PLXNA4: variants seen among roughly 807,000 people sequenced by gnomAD.
PLXNA4 encodes plexin A4.
In PLXNA4, 44 loss-of-function variants were observed where a neutral mutation model predicts 191.8. The observed-to-expected ratio is 0.23, with a 90% CI of 0.18 to 0.29. The LOEUF (loss-of-function observed/expected upper bound fraction) is 0.29. Ranked by LOEUF, PLXNA4 falls within the 10% of genes least tolerant of loss-of-function variation. PLXNA4 has a pLI of 1.00. For synonymous variants in PLXNA4, 1,082 were observed against 1,009.5 expected (o/e 1.07, Z -1.36); for missense variants, 1,800 against 2,488.8 (o/e 0.72, Z 5.89).
chr7:132,178,005 A>T (rs981535952), intron 20 of PLXNA4, among the ~76,000 whole-genome samples: 1 of 152,236 alleles, frequency 6.6e-6, no homozygotes, highest in East Asian at 1.9e-4. Context: ...AGATCCTCCC[A>T]GGATGAGTCA....
At chr7:132,428,850 G>A (rs1367716607) in intron 3 of PLXNA4, among the ~76,000 whole-genome samples, 1 of 152,182 alleles carries the variant, frequency 6.6e-6, no homozygotes. Context: ...AGTTCTCCTA[G>A]ATCTCAGGCA....
chr7:132,302,700 C>T (rs1402161458), intron 3 of PLXNA4, among the ~76,000 whole-genome samples: 1 of 151,398 alleles, frequency 6.6e-6, no homozygotes, highest in Non-Finnish European at 1.5e-5. Context: ...GGTAGGAACA[C>T]AATCCAGATG....
At chr7:132,287,173 T>C (rs1800713942) in intron 4 of PLXNA4, among the ~76,000 whole-genome samples, 1 of 152,198 alleles carries the variant, frequency 6.6e-6, no homozygotes, top group African/African-American at 2.4e-5. Context: ...TAGCTGAGAC[T>C]ATAGGCACGC....
At chr7:132,467,860 G>A (rs80030268) in intron 3 of PLXNA4, among the ~76,000 whole-genome samples, 8,925 of 152,248 alleles carry the variant, frequency 0.059, 711 homozygotes, top group East Asian at 0.29. Context: ...CACACTTCTT[G>A]GCTGTGGGAT....
At chr7:132,224,265 A>G (rs1162493077) in intron 8 of PLXNA4, among the ~76,000 whole-genome samples, 1 of 152,026 alleles carries the variant, frequency 6.6e-6, no homozygotes, top group Non-Finnish European at 1.5e-5. Context: ...ACTGCCCCCA[A>G]CGCAGGTTTG....
Position 132,123,946 on chromosome 7 carries a change from G to A in PLXNA4, c.*6533C>T, listed in dbSNP as rs1390843075. 6.6e-6 allele frequency: 1 copy of A among 152,242 alleles called. No homozygotes were observed. The highest frequency in any genetic ancestry group is 1.5e-5 in the Non-Finnish European group (1 of 68,096). The allele number at this position is 152,242 out of a possible 1,614,324, so 9.4% of individuals were successfully genotyped here. On this transcript the variant is annotated 3_prime_UTR_variant, in exon 32 of 32. Transcript: ENST00000321063. ...GGCTCGCTGAGCCATTGTCTGTTGT[G>A]GTACCCTGGAGTTGCTGGTTGCTAT...
At chr7:132,381,491 G>A (rs1245920439) in intron 3 of PLXNA4, among the ~76,000 whole-genome samples, 4 of 152,190 alleles carry the variant, frequency 2.6e-5, no homozygotes, top group Non-Finnish European at 4.4e-5. Context: ...AGTGTGTAGT[G>A]CATCTCTAAG....
intron 1 of PLXNA4, among the ~76,000 whole-genome samples, chr7:132,563,781 CTTCCTCCTCCTT>C (rs1563176851): frequency 8.1e-5 from 8 of 99,078 alleles, no homozygotes; most frequent in East Asian, 3.3e-4. Context: ...TCCTCCTCCT[CTTCCTCCTCCTT>C]CTCCTCCTCC....
rs544868992 is a variant in PLXNA4, at chr7:132,537,898, C to T, written c.-86-29119G>A. On this transcript the variant is annotated intron_variant, in intron 1 of 31. Transcript: ENST00000321063. ...GCAGTGGGGGCCACCACAACCCGCA[C>T]GCTCAGCCTGGACACACAGCCTGGG... Among the ~76,000 whole-genome samples, 67 of 152,322 alleles carry T rather than the reference C, an allele frequency of 4.4e-4. 1 individual carries two copies. Among genetic ancestry groups the T allele is most frequent in the African/African-American group, 1.5e-3 (62 of 41,564 alleles).
rs143537539 is a variant in PLXNA4 at position 132,265,747 on chromosome 7, G to C, written c.1504-24581C>G. On this transcript the variant is annotated intron_variant, in intron 4 of 31. Coordinates refer to ENST00000321063, the MANE Select transcript of PLXNA4 (RefSeq NM_020911.2). ...AGAACAGGACAGGGCTCAGCTGCAG[G>C]TACCGTGCACTATGACCCTGCCAGC... 1.1e-3 allele frequency among the ~76,000 whole-genome samples: 173 copies of C among 152,256 alleles called. 1 individual carries two copies. The highest frequency in any genetic ancestry group is 3.9e-3 in the African/African-American group (164 of 41,544).
chr7:132,426,287 T>C (rs1218719550), intron 3 of PLXNA4, among the ~76,000 whole-genome samples: 2 of 151,990 alleles, frequency 1.3e-5, no homozygotes, highest in African/African-American at 4.8e-5. Context: ...GCGGCTAAGG[T>C]GATGGGGGTG....
chr7:132,443,626 C>T (rs1795783215), intron 3 of PLXNA4, among the ~76,000 whole-genome samples: 1 of 152,212 alleles, frequency 6.6e-6, no homozygotes, highest in South Asian at 2.1e-4. Context: ...CCATGTTCCC[C>T]TGGATTGCCC....
At chr7:132,370,776 C>T (rs899559341) in intron 3 of PLXNA4, among the ~76,000 whole-genome samples, 9 of 152,192 alleles carry the variant, frequency 5.9e-5, no homozygotes, top group Non-Finnish European at 1.2e-4. Flanking sequence ...CCTGCTCAAG[C>T]CCCTAGATAT....
intron 3 of PLXNA4, among the ~76,000 whole-genome samples, chr7:132,419,087 T>C (rs997876918): frequency 2.0e-5 from 3 of 152,246 alleles, no homozygotes; most frequent in Non-Finnish European, 4.4e-5. Context: ...TCCTTGGTCC[T>C]GGGACTTGCT....
rs1797909464 is a variant in PLXNA4, at chr7:132,494,042, T to A, written c.1189-4568A>T. On this transcript the variant is annotated intron_variant, in intron 2 of 31. Transcript: ENST00000321063. ...AAACATATAGAACAATGTTTGGCACTTAGTTCTATGGGAGTGTTCACTCTT... is the reference window on the plus strand; with the variant it reads ...AAACATATAGAACAATGTTTGGCACATAGTTCTATGGGAGTGTTCACTCTT... Among the ~76,000 whole-genome samples, 10 of 152,330 alleles carry A rather than the reference T, an allele frequency of 6.6e-5. No individual in the cohort carries two copies. The South Asian group carries it at 2.1e-3, about 32-fold the overall frequency.
At chr7:132,294,770 C>T (rs1363546047) in intron 4 of PLXNA4, among the ~76,000 whole-genome samples, 1 of 152,240 alleles carries the variant, frequency 6.6e-6, no homozygotes, top group Non-Finnish European at 1.5e-5. Context: ...TAGAGAGAGG[C>T]CCTAATCCAA....
At chr7:132,149,153 G>A (rs1231991291) in intron 25 of PLXNA4, among the ~76,000 whole-genome samples, 1 of 152,132 alleles carries the variant, frequency 6.6e-6, no homozygotes, top group African/African-American at 2.4e-5. Context: ...TGTCACCCTT[G>A]TCAGGGAGAT....
At chr7:132,563,436 C>T (rs1585351015) in intron 1 of PLXNA4, among the ~76,000 whole-genome samples, 2 of 89,290 alleles carry the variant, frequency 2.2e-5, no homozygotes, top group Non-Finnish European at 4.4e-5. Flanking sequence ...CTCCTTCCTC[C>T]TCCTCTTCCT....
intron 24 of PLXNA4, among the ~76,000 whole-genome samples, chr7:132,163,140 C>G (rs985268099): frequency 1.1e-4 from 16 of 152,184 alleles, no homozygotes; most frequent in African/African-American, 3.4e-4. Flanking sequence ...CATACTCCCT[C>G]CTTCCAAGTC....
Sources: allele counts gnomAD v4.1 joint callset (sites outside exome capture counted in the v4.1 genomes callset), GRCh38; gene constraint gnomAD v4.1.1; transcripts MANE v1.5; gene names NCBI Gene and HGNC (gene_info 2026-07-23, HGNC 2026-07-21).